Variants in ZNF521 observed in about 807,000 individuals in gnomAD.
ZNF521 encodes the protein zinc finger protein 521, also known as LYST-interacting protein 3.
In ZNF521, 14 loss-of-function variants were observed where a neutral mutation model predicts 105.5. The ratio of observed to expected loss-of-function variants is 0.13; its 90% CI spans 0.09 to 0.21. ZNF521 has a LOEUF of 0.21. Among genes scored for constraint, ZNF521 ranks in the 10% least tolerant of loss-of-function variants. ZNF521 has a pLI of 1.00. For missense variants in ZNF521, 1,233 were observed against 1,629.7 expected (o/e 0.76, Z 4.19); for synonymous variants, 635 against 606.0 (o/e 1.05, Z -0.70).
intron 5 of ZNF521, among the ~76,000 whole-genome samples, chr18:25,151,789 A>G (rs1448549206): frequency 6.6e-6 from 1 of 152,206 alleles, no homozygotes; most frequent in African/African-American, 2.4e-5. Flanking sequence ...ATCCAGGTTT[A>G]AATACTAGAA....
chr18:25,267,398 G>A (rs954184949), intron 3 of ZNF521, among the ~76,000 whole-genome samples: 8 of 152,278 alleles, frequency 5.3e-5, no homozygotes, highest in Non-Finnish European at 1.0e-4. Context: ...AGAGAGCAGC[G>A]GATCACCCAG....
intron 4 of ZNF521, 43 bp downstream of exon 4, chr18:25,224,302 T>C: frequency 2.6e-6 from 4 of 1,532,062 alleles, no homozygotes; most frequent in Non-Finnish European, 3.6e-6. Flanking sequence ...AGGGACCGTT[T>C]CTTGAGGAGG....
intron 5 of ZNF521, among the ~76,000 whole-genome samples, chr18:25,093,193 C>T (rs1276692828): frequency 6.6e-6 from 1 of 152,094 alleles, no homozygotes. Context: ...AGAACTTGAA[C>T]GCAGGCAGTC....
chr18:25,152,650 G>GC (rs1567984754), intron 5 of ZNF521, among the ~76,000 whole-genome samples: 32 of 152,072 alleles, frequency 2.1e-4, no homozygotes, highest in African/African-American at 7.7e-4. Flanking sequence ...AGGAGACCCC[G>GC]GAAAATTATG....
rs144015871 is a variant in ZNF521, at chr18:25,209,372, A to C, written c.3574-14128T>G. Among the ~76,000 whole-genome samples the C allele has an allele frequency of 5.8e-3, 882 of 152,176 alleles. 8 individuals carry two copies. The highest frequency in any genetic ancestry group is 0.02 in the African/African-American group (820 of 41,528). Reference sequence around the variant, plus strand: ...ATGATCTACCCACCTCGGCCTCCCAATGTGCTAGGATTACAGGCATGAGCC... The same window carrying C: ...ATGATCTACCCACCTCGGCCTCCCACTGTGCTAGGATTACAGGCATGAGCC... On this transcript the variant is annotated intron_variant, in intron 4 of 7. Transcript: ENST00000361524.
At chr18:25,244,117 T>G (rs796715288) in intron 3 of ZNF521, among the ~76,000 whole-genome samples, 4 of 152,184 alleles carry the variant, frequency 2.6e-5, no homozygotes, top group African/African-American at 9.6e-5. Flanking sequence ...AAGACTACCT[T>G]CCTTCCAATA....
chr18:25,232,568 T>C (rs1906607098), intron 3 of ZNF521, among the ~76,000 whole-genome samples: 1 of 152,114 alleles, frequency 6.6e-6, no homozygotes, highest in African/African-American at 2.4e-5. Flanking sequence ...AAATAAAAGA[T>C]AAATAGCTGG....
At chr18:25,118,017 T>C (rs527709479) in intron 5 of ZNF521, among the ~76,000 whole-genome samples, 8 of 151,984 alleles carry the variant, frequency 5.3e-5, no homozygotes, top group South Asian at 2.1e-4. Flanking sequence ...TCTCCCCAAA[T>C]AGAAAACAAA....
At chr18:25,133,587 A>G (rs955438824) in intron 5 of ZNF521, among the ~76,000 whole-genome samples, 19 of 152,210 alleles carry the variant, frequency 1.2e-4, no homozygotes, top group Non-Finnish European at 2.6e-4. Flanking sequence ...TTCCTAGGTA[A>G]TGGAGACTAC....
intron 4 of ZNF521, among the ~76,000 whole-genome samples, chr18:25,210,923 G>A (rs1483963450): frequency 6.6e-6 from 1 of 152,180 alleles, no homozygotes; most frequent in Non-Finnish European, 1.5e-5. Context: ...TTTGTATAAA[G>A]CTTCTCCTCT....
At chr18:25,177,299 C>T (rs1398248027) in intron 5 of ZNF521, among the ~76,000 whole-genome samples, 2 of 152,090 alleles carry the variant, frequency 1.3e-5, no homozygotes, top group African/African-American at 4.8e-5. Flanking sequence ...TAAAATTCCA[C>T]TTGGCTAAGA....
intron 2 of ZNF521, among the ~76,000 whole-genome samples, chr18:25,346,318 A>C (rs905827684): frequency 3.9e-5 from 6 of 152,090 alleles, no homozygotes; most frequent in African/African-American, 1.4e-4. Context: ...TCTACCCGTA[A>C]GTATATATAT....
At chr18:25,086,999 C>T (rs529071201) in intron 7 of ZNF521, among the ~76,000 whole-genome samples, 6 of 152,248 alleles carry the variant, frequency 3.9e-5, no homozygotes, top group East Asian at 3.9e-4. Context: ...CCTTTATACT[C>T]TCATTATCTC....
intron 5 of ZNF521, among the ~76,000 whole-genome samples, chr18:25,193,244 C>G (rs144738705): frequency 6.6e-6 from 1 of 151,928 alleles, no homozygotes; most frequent in African/African-American, 2.4e-5. Context: ...CAAAATGATA[C>G]TAAAATTGGA....
intron 5 of ZNF521, 95 bp from the exon 6 acceptor site, chr18:25,092,176 C>T: frequency 7.1e-7 from 1 of 1,403,888 alleles, no homozygotes; most frequent in South Asian, 1.3e-5. Flanking sequence ...TAAACTATTT[C>T]CATCACCTAA....
intron 3 of ZNF521, among the ~76,000 whole-genome samples, chr18:25,264,542 T>C (rs979466480): frequency 6.6e-6 from 1 of 152,222 alleles, no homozygotes; most frequent in Non-Finnish European, 1.5e-5. Context: ...AAACATATTA[T>C]GAGTTTCCTA....
chr18:25,314,666 T>C (rs976161783), intron 3 of ZNF521, among the ~76,000 whole-genome samples: 16 of 152,274 alleles, frequency 1.1e-4, no homozygotes, highest in African/African-American at 3.9e-4. Flanking sequence ...CTACCACACA[T>C]ATTTCTACAC....
At chr18:25,193,850 T>C (rs963501706) in intron 5 of ZNF521, among the ~76,000 whole-genome samples, 3 of 151,912 alleles carry the variant, frequency 2.0e-5, no homozygotes, top group African/African-American at 7.2e-5. Context: ...TTGATCAATA[T>C]TTTAGCTGTT....
chr18:25,276,520 G>T (rs74897280), intron 3 of ZNF521, among the ~76,000 whole-genome samples: 2,305 of 152,196 alleles, frequency 0.015, 53 homozygotes, highest in East Asian at 0.083. Flanking sequence ...TGAATACATG[G>T]AGACAGAGAA....
Sources: gnomAD v4.1 joint callset for allele counts (sites outside exome capture counted in the v4.1 genomes callset) on GRCh38, gnomAD v4.1.1 for gene constraint, MANE v1.5 for transcripts, NCBI Gene and HGNC (gene_info 2026-07-23, HGNC 2026-07-21) for gene names.